Variants in EFCAB13 observed in about 807,000 individuals in gnomAD.
EFCAB13 encodes EF-hand calcium-binding domain-containing protein 13.
Under a neutral mutation model 110.2 loss-of-function variants are expected in EFCAB13, and 91 were observed. The ratio of observed to expected loss-of-function variants is 0.83; its 90% CI spans 0.70 to 0.98. The LOEUF is 0.98. Ranked by LOEUF, EFCAB13 falls within the 50% of genes least tolerant of loss-of-function variation. The probability of loss-of-function intolerance (pLI) is 0.00; values close to 1 mark genes in which losing one functional copy is unlikely to be tolerated. For synonymous variants in EFCAB13, 323 were observed against 369.9 expected, an observed-to-expected ratio of 0.87 and a Z score of 1.45; for missense variants, 968 against 1,119.4, an observed-to-expected ratio of 0.86 and a Z score of 1.93.
At chr17:47,332,617 T>C (rs973194036) in intron 4 of EFCAB13, among the ~76,000 whole-genome samples, 1 of 151,486 alleles carries the variant, frequency 6.6e-6, no homozygotes, top group Non-Finnish European at 1.5e-5. Flanking sequence ...ACTCCCTGTT[T>C]CTATGAGAAC....
intron 10 of EFCAB13, among the ~76,000 whole-genome samples, chr17:47,369,287 A>G (rs935401685): frequency 3.9e-5 from 6 of 152,238 alleles, no homozygotes; most frequent in Admixed American, 1.3e-4. Flanking sequence ...AACTTCAGAT[A>G]TCATTTTTAT....
At chr17:47,429,054 C>G (rs1371107576) in intron 23 of EFCAB13, among the ~76,000 whole-genome samples, 10 of 152,106 alleles carry the variant, frequency 6.6e-5, no homozygotes, top group Non-Finnish European at 1.5e-5. Context: ...GGTTTGTCCT[C>G]TTACATCCAG....
intron 9 of EFCAB13, among the ~76,000 whole-genome samples, chr17:47,360,696 C>T (rs1030871808): frequency 7.2e-5 from 11 of 152,082 alleles, no homozygotes; most frequent in Admixed American, 6.6e-4. Context: ...ATGAAGTCCT[C>T]GCCCATGCCT....
At chr17:47,420,715 C>T (rs1482426775) in intron 23 of EFCAB13, among the ~76,000 whole-genome samples, 17 of 100,312 alleles carry the variant, frequency 1.7e-4, no homozygotes, top group African/African-American at 5.2e-4. Context: ...GCCCGGCAGC[C>T]GCCCCATCTG....
At chr17:47,432,436 A>AAATAAATAAATT (rs1905135924) in intron 24 of EFCAB13, among the ~76,000 whole-genome samples, 2 of 146,768 alleles carry the variant, frequency 1.4e-5, no homozygotes, top group Non-Finnish European at 3.0e-5. Flanking sequence ...ATAAATAAAT[A>AAATAAATAAATT]AATAAATTAG....
intron 23 of EFCAB13, among the ~76,000 whole-genome samples, chr17:47,420,976 C>G (rs1266795581): frequency 6.8e-6 from 1 of 147,468 alleles, no homozygotes; most frequent in African/African-American, 2.5e-5. Context: ...GCCGCCCCGT[C>G]CGGGAGGGAG....
intron 15 of EFCAB13, 108 bp downstream of exon 15, chr17:47,391,688 A>C: frequency 1.0e-6 from 1 of 959,220 alleles, no homozygotes; most frequent in South Asian, 2.0e-5. Flanking sequence ...AAAAAGTTAA[A>C]ATTAAACTAA....
Position 47,370,481 on chromosome 17 carries a change from G to A in EFCAB13, c.850G>A (p.Glu284Lys). ...DIGDIIFTLN[E>K]LQEQYEDVSI... The stretch of plus-strand genomic sequence containing the variant: ...TGGGGATATTATATTTACTTTGAAT[G>A]AGCTACAGGAACAGTATGAGGATGT... The change falls in exon 11 of 25, where the codon GAG becomes AAG. Residue 284 changes from glutamate to lysine, a missense_variant. Coordinates refer to ENST00000331493, the MANE Select transcript of EFCAB13 (RefSeq NM_152347.5). The A allele has an allele frequency of 5.0e-6, 8 of 1,608,350 alleles. No homozygotes were observed. The highest frequency in any genetic ancestry group is 6.8e-6 in the Non-Finnish European group (8 of 1,175,178).
intron 15 of EFCAB13, 41 bp downstream of exon 15, chr17:47,391,621 G>T (rs375809551): frequency 6.7e-7 from 1 of 1,482,566 alleles, no homozygotes; most frequent in Non-Finnish European, 8.9e-7. Flanking sequence ...TGACACATCT[G>T]GAAGGAGGGT....
Position 47,395,906 on chromosome 17 carries a change from C to G in EFCAB13, c.1874C>G (p.Thr625Ser). Residue 625 changes from threonine (T) to serine (S), a missense_variant, in exon 17 of 25, where the codon ACT becomes AGT. Transcript: ENST00000331493. ...ETMSVSDLWN[T>S]LSSLNSNLKK... The stretch of plus-strand genomic sequence containing the variant: ...ATGAGTGTTTCTGACCTGTGGAATA[C>G]TCTGTCTAGTTTGAATAGTAATTTA... 1 of 1,611,154 alleles carries G rather than the reference C, an allele frequency of 6.2e-7. No homozygotes were observed. Among genetic ancestry groups the G allele is most frequent in the Non-Finnish European group, 8.5e-7 (1 of 1,177,990 alleles).
chr17:47,388,128 C>T (rs1447241532), intron 14 of EFCAB13, among the ~76,000 whole-genome samples: 1 of 152,156 alleles, frequency 6.6e-6, no homozygotes, highest in Non-Finnish European at 1.5e-5. Flanking sequence ...CTGGTCCCAC[C>T]TCTCTTTTAG....
At chr17:47,372,349 A>G (rs1288763160) in intron 11 of EFCAB13, among the ~76,000 whole-genome samples, 1 of 152,196 alleles carries the variant, frequency 6.6e-6, no homozygotes, top group African/African-American at 2.4e-5. Flanking sequence ...TAAACAAACT[A>G]TGCTTTTACC....
intron 7 of EFCAB13, among the ~76,000 whole-genome samples, chr17:47,344,632 C>G (rs2065405237): frequency 6.6e-6 from 1 of 152,188 alleles, no homozygotes; most frequent in South Asian, 2.1e-4. Flanking sequence ...GATAAATCAT[C>G]TTTTCCAGAC....
intron 14 of EFCAB13, among the ~76,000 whole-genome samples, chr17:47,380,058 C>A (rs2065638166): frequency 6.6e-6 from 1 of 151,978 alleles, no homozygotes; most frequent in Non-Finnish European, 1.5e-5. Flanking sequence ...AAAAAGTGTT[C>A]CTTTATGTTC....
At chr17:47,432,851 A>G (rs1905144403) in intron 24 of EFCAB13, among the ~76,000 whole-genome samples, 1 of 152,168 alleles carries the variant, frequency 6.6e-6, no homozygotes, top group Admixed American at 6.5e-5. Flanking sequence ...TGAAGTGTTT[A>G]CATTTACAGA....
chr17:47,431,752 G>C lies in EFCAB13; in HGVS notation c.2638+1791G>C, dbSNP rs1905119413. Among the ~76,000 whole-genome samples the C allele has an allele frequency of 6.6e-6, 1 of 152,218 alleles. No individual in the cohort carries two copies. The highest frequency in any genetic ancestry group is 6.5e-5 in the Admixed American group (1 of 15,288). ...TATAGTCTGCAGTTGGGTTGGGTGA[G>C]AGTGTTCTATATATTAGATCAGATT... On this transcript the variant is annotated intron_variant, in intron 24 of 24. Transcript: ENST00000331493. The surrounding 1 kb of genome is among the most constrained non-coding windows in gnomAD (Gnocchi z 4.1).
At chr17:47,386,848 A>C (rs1014806811) in intron 14 of EFCAB13, among the ~76,000 whole-genome samples, 1 of 152,016 alleles carries the variant, frequency 6.6e-6, no homozygotes, top group African/African-American at 2.4e-5. Flanking sequence ...ACAGTCTCTC[A>C]AGGCTTCCCT....
chr17:47,364,664 T>A lies in EFCAB13; in HGVS notation c.805+3143T>A, dbSNP rs923430512. On this transcript the variant is annotated intron_variant, in intron 10 of 24. Coordinates refer to ENST00000331493, the MANE Select transcript of EFCAB13 (RefSeq NM_152347.5). ...CTTTCCTCAGGACCATTGCAGTTCA[T>A]CCTAACAAGTATACCCCTGTCCACT... 2.0e-5 allele frequency among the ~76,000 whole-genome samples: 3 copies of A among 152,198 alleles called. No individual in the cohort carries two copies. The East Asian group carries it at 5.8e-4, about 29-fold the overall frequency.
intron 18 of EFCAB13, 39 bp from the exon 19 acceptor site, chr17:47,403,839 C>T: frequency 4.5e-6 from 7 of 1,558,974 alleles, no homozygotes; most frequent in Non-Finnish European, 6.1e-6. Context: ...TGAGTGATGG[C>T]TACTGCTTTT....
Sources: allele counts gnomAD v4.1 joint callset (sites outside exome capture counted in the v4.1 genomes callset), GRCh38; gene constraint gnomAD v4.1.1; non-coding constraint Gnocchi (gnomAD v3.1); transcripts MANE v1.5; gene names NCBI Gene and HGNC (gene_info 2026-07-23, HGNC 2026-07-21).